The following FAM13B variants were observed in gnomAD, a reference collection of about 807,000 sequenced individuals.
FAM13B encodes the protein protein FAM13B.
In FAM13B, 60 loss-of-function variants were observed where a neutral mutation model predicts 117.3. The observed-to-expected ratio is 0.51, with a 90% CI of 0.42 to 0.63. The LOEUF (loss-of-function observed/expected upper bound fraction) is 0.63, where lower values mean the gene tolerates loss of function less well. Among genes scored for constraint, FAM13B ranks in the 30% least tolerant of loss-of-function variants. The pLI is 0.00. For synonymous variants in FAM13B, 332 were observed against 356.1 expected, an observed-to-expected ratio of 0.93 and a Z score of 0.76; for missense variants, 972 against 1,091.9, an observed-to-expected ratio of 0.89 and a Z score of 1.55.
intron 4 of FAM13B, among the ~76,000 whole-genome samples, chr5:138,015,757 T>C (rs1390989939): frequency 6.6e-6 from 1 of 152,162 alleles, no homozygotes; most frequent in Non-Finnish European, 1.5e-5. Context: ...GAGGAAACTT[T>C]GTTCAGAGAT....
intron 1 of FAM13B, among the ~76,000 whole-genome samples, chr5:138,040,785 C>T (rs551924207): frequency 2.0e-5 from 3 of 152,072 alleles, no homozygotes; most frequent in South Asian, 2.1e-4. Flanking sequence ...GACATTAGGC[C>T]GGGCACAGTG....
chr5:138,001,943 G>A (rs186845720), intron 7 of FAM13B, among the ~76,000 whole-genome samples: 2 of 152,198 alleles, frequency 1.3e-5, no homozygotes, highest in East Asian at 1.9e-4. Context: ...AGGAAAAACG[G>A]GTACAGCAGT....
chr5:137,953,531 C>A, intron 15 of FAM13B, 66 bp from the exon 16 acceptor site: 1 of 1,491,942 alleles, frequency 6.7e-7, no homozygotes, highest in Non-Finnish European at 9.2e-7. Flanking sequence ...TCTTATTGCC[C>A]TGACATGGCA....
intron 13 of FAM13B, among the ~76,000 whole-genome samples, chr5:137,959,104 C>A (rs1479504904): frequency 1.3e-5 from 2 of 152,124 alleles, no homozygotes; most frequent in Non-Finnish European, 2.9e-5. Flanking sequence ...CTCCTTTGTG[C>A]AAATTTTTAG....
In FAM13B at chr5:137,938,173, G is replaced by T; in HGVS notation, c.*2052C>A. The T allele has an allele frequency of 6.6e-6, 1 of 152,632 alleles. No individual in the cohort carries two copies. The allele number at this position is 152,632 out of a possible 1,614,324, so 9.5% of individuals were successfully genotyped here. ...AATACTGTCACAGAGCATAAGTGCTGCCATGCCACTTTTACATATTCTACT... is the reference window on the plus strand; with the variant it reads ...AATACTGTCACAGAGCATAAGTGCTTCCATGCCACTTTTACATATTCTACT... On this transcript the variant is annotated 3_prime_UTR_variant, in exon 24 of 24. Coordinates refer to ENST00000689681, the MANE Select transcript of FAM13B (RefSeq NM_001385994.1).
At chr5:138,039,022 A>G (rs1383724232) in intron 1 of FAM13B, among the ~76,000 whole-genome samples, 1 of 152,236 alleles carries the variant, frequency 6.6e-6, no homozygotes, top group African/African-American at 2.4e-5. Flanking sequence ...AGCTGGAACA[A>G]TTAACAGTAA....
chr5:137,966,744 G>C (rs1430317720), intron 10 of FAM13B, among the ~76,000 whole-genome samples: 1 of 151,974 alleles, frequency 6.6e-6, no homozygotes, highest in Admixed American at 6.6e-5. Context: ...ACCAAATACT[G>C]GCAAGAATGT....
chr5:138,051,793 A>G (rs1400182736), intron 1 of FAM13B: 1 of 152,206 alleles, frequency 6.6e-6, no homozygotes, highest in African/African-American at 2.4e-5. Flanking sequence ...ATTTTACTCT[A>G]AAACCTGCAC....
At chr5:137,966,218 C>A (rs1769695484) in intron 10 of FAM13B, among the ~76,000 whole-genome samples, 1 of 151,656 alleles carries the variant, frequency 6.6e-6, no homozygotes, top group African/African-American at 2.4e-5. Context: ...GGGCGGATCA[C>A]CTGAGGTCAG....
upstream of FAM13B, among the ~76,000 whole-genome samples, chr5:138,034,237 T>TA (rs1790843398): frequency 6.6e-6 from 1 of 152,234 alleles, no homozygotes. Flanking sequence ...AACCAACACT[T>TA]ACTCTCAGGG....
intron 13 of FAM13B, among the ~76,000 whole-genome samples, chr5:137,957,943 G>C (rs1262025664): frequency 6.6e-6 from 1 of 152,204 alleles, no homozygotes; most frequent in Admixed American, 6.5e-5. Flanking sequence ...AGACAGAGAA[G>C]GTCTATCCTC....
Position 137,983,213 on chromosome 5 carries a change from A to AAAAAAAAAAC in FAM13B, c.1179+2043_1179+2044insGTTTTTTTTT, listed in dbSNP as rs1561492748. Among the ~76,000 whole-genome samples, 185 of 93,710 alleles carry AAAAAAAAAAC rather than the reference A, an allele frequency of 2.0e-3. 17 individuals carry two copies. The highest frequency in any genetic ancestry group is 2.8e-3 in the Non-Finnish European group (122 of 43,932). 61.5% of individuals were successfully genotyped at this position (93,710 alleles called of 152,430 possible). On this transcript the variant is annotated intron_variant, in intron 10 of 23. Coordinates refer to ENST00000689681, the MANE Select transcript of FAM13B (RefSeq NM_001385994.1). ...AAAAAAAAAAAAAAAAAAAAAAAAA[A>AAAAAAAAAAC]AACCGAGTGAGATATCCTGAATGCC...
rs533006002 is a variant in FAM13B, at chr5:137,970,103, C to T, written c.1180-7634G>A. On this transcript the variant is annotated intron_variant, in intron 10 of 23. Transcript: ENST00000689681. ...GGCCAACGTTCAGATTCAGGAAATA[C>T]AGAGAACGCCACAAAGATACTCCTC... Among the ~76,000 whole-genome samples, 20 of 152,036 alleles carry T rather than the reference C, an allele frequency of 1.3e-4. No homozygotes were observed. In the South Asian group the frequency reaches 4.0e-3, roughly 30 times the overall value.
intron 4 of FAM13B, among the ~76,000 whole-genome samples, chr5:138,016,213 A>T (rs962304589): frequency 6.6e-6 from 1 of 152,198 alleles, no homozygotes; most frequent in Admixed American, 6.5e-5. Context: ...TTTTTGAAAG[A>T]AAAGAAGGGG....
chr5:138,036,857 A>T (rs955428213), upstream of FAM13B: 3 of 336,358 alleles, frequency 8.9e-6, no homozygotes, highest in African/African-American at 4.3e-5. Context: ...GTTTTTTTTT[A>T]AACTTTTTTT....
intron 6 of FAM13B, among the ~76,000 whole-genome samples, chr5:138,008,208 AG>A: frequency 6.6e-6 from 1 of 152,268 alleles, no homozygotes; most frequent in East Asian, 1.9e-4. Flanking sequence ...TGAGAGGCTG[AG>A]GGGGTTGGAA....
At chr5:138,036,815 A>G, upstream of FAM13B, 1 of 345,214 alleles carries the variant, frequency 2.9e-6, no homozygotes, top group East Asian at 7.7e-5. Context: ...AACTGCGACA[A>G]TTTTGGGGGA....
At chr5:138,003,464 C>T (rs1212679796) in intron 7 of FAM13B, among the ~76,000 whole-genome samples, 1 of 152,058 alleles carries the variant, frequency 6.6e-6, no homozygotes, top group Non-Finnish European at 1.5e-5. Context: ...ACTTTATCAG[C>T]CAAAACTAAA....
chr5:137,992,609 A>T (rs1036931699), intron 7 of FAM13B, among the ~76,000 whole-genome samples: 20 of 151,718 alleles, frequency 1.3e-4, no homozygotes, highest in African/African-American at 4.8e-4. Context: ...AATAAAAAAT[A>T]AAAAAAAACC....
Sources: gnomAD v4.1 joint callset for allele counts (sites outside exome capture counted in the v4.1 genomes callset) on GRCh38, gnomAD v4.1.1 for gene constraint, MANE v1.5 for transcripts, NCBI Gene and HGNC (gene_info 2026-07-23, HGNC 2026-07-21) for gene names.